LSAMP: variants seen among roughly 807,000 people sequenced by gnomAD.
LSAMP encodes the protein limbic system-associated membrane protein.
Under a neutral mutation model 38.6 loss-of-function variants are expected in LSAMP, and 7 were observed. The observed-to-expected ratio is 0.18, with a 90% CI of 0.10 to 0.34. The LOEUF is 0.34. Ranked by LOEUF, LSAMP falls within the 10% of genes least tolerant of loss-of-function variation. The pLI, the probability that LSAMP is intolerant of heterozygous loss-of-function variation, is 1.00. For missense variants in LSAMP, 313 were observed against 420.0 expected, an observed-to-expected ratio of 0.75 and a Z score of 2.23; for synonymous variants, 154 against 166.8, an observed-to-expected ratio of 0.92 and a Z score of 0.59.
chr3:116,012,033 C>T (rs1244491186), intron 3 of LSAMP, among the ~76,000 whole-genome samples: 2 of 152,182 alleles, frequency 1.3e-5, no homozygotes, highest in Non-Finnish European at 2.9e-5. Flanking sequence ...GGACAGTCCA[C>T]AGGAGCTTTA....
At chr3:116,291,253 G>A (rs952364932) in intron 1 of LSAMP, among the ~76,000 whole-genome samples, 5 of 152,166 alleles carry the variant, frequency 3.3e-5, no homozygotes, top group African/African-American at 9.7e-5. Flanking sequence ...GAAGATAACA[G>A]TCAGCTTAGA....
At chr3:116,220,185 A>AACACACACACACACACACACACACAC (rs3974285) in intron 1 of LSAMP, among the ~76,000 whole-genome samples, 324 of 141,434 alleles carry the variant, frequency 2.3e-3, no homozygotes, top group African/African-American at 8.0e-3. Flanking sequence ...TCCATCTCAA[A>AACACACACACACACACACACACACAC]ACACACACAC....
intron 3 of LSAMP, among the ~76,000 whole-genome samples, chr3:115,998,266 G>T (rs1939885538): frequency 6.6e-6 from 1 of 151,932 alleles, no homozygotes; most frequent in Non-Finnish European, 1.5e-5. Context: ...GTCACTGGGG[G>T]GTTTTAACTG....
intron 1 of LSAMP, 85 bp downstream of exon 1, chr3:116,444,784 TCAGACACA>T: frequency 6.9e-7 from 1 of 1,446,234 alleles, no homozygotes; most frequent in South Asian, 1.2e-5. Flanking sequence ...TTCAAGGAGA[TCAGACACA>T]CACACACACA....
At chr3:115,896,199 A>G (rs1400265839) in intron 3 of LSAMP, among the ~76,000 whole-genome samples, 5 of 152,110 alleles carry the variant, frequency 3.3e-5, no homozygotes, top group African/African-American at 1.2e-4. Flanking sequence ...AGATTTATAA[A>G]TAAGACAGCA....
chr3:116,110,218 AG>A (rs1304706014), intron 1 of LSAMP, among the ~76,000 whole-genome samples: 1 of 151,488 alleles, frequency 6.6e-6, no homozygotes, highest in Non-Finnish European at 1.5e-5. Context: ...AGAAAAGCAG[AG>A]AAGGGGTAGA....
chr3:116,356,921 G>C (rs1260185686), intron 1 of LSAMP, among the ~76,000 whole-genome samples: 1 of 152,110 alleles, frequency 6.6e-6, no homozygotes, highest in African/African-American at 2.4e-5. Context: ...AGCCTCCCGA[G>C]TAGCTGGGAC....
rs534616225 is a variant in LSAMP, at chr3:115,847,506, C to T, written c.650-4928G>A. Among the ~76,000 whole-genome samples, 88 of 152,276 alleles carry T rather than the reference C, an allele frequency of 5.8e-4. 2 individuals carry two copies. The South Asian group carries it at 0.016, about 28-fold the overall frequency. On this transcript the variant is annotated intron_variant, in intron 4 of 6. Transcript: ENST00000490035. ...CAATTTGGTTGGTGATATGGTTTGG[C>T]TGTGTTCCCACCCAAAATCTCATCT...
intron 1 of LSAMP, among the ~76,000 whole-genome samples, chr3:116,280,232 C>G (rs1440031913): frequency 6.6e-6 from 1 of 152,170 alleles, no homozygotes; most frequent in African/African-American, 2.4e-5. Flanking sequence ...TTAGTTCCCA[C>G]CATGATAACT....
At chr3:116,418,903 TC>T in intron 1 of LSAMP, among the ~76,000 whole-genome samples, 1 of 152,332 alleles carries the variant, frequency 6.6e-6, no homozygotes, top group Admixed American at 6.5e-5. Flanking sequence ...CTATGCTTCA[TC>T]CATACCAATT....
chr3:115,824,772 T>A (rs138933455), intron 6 of LSAMP, among the ~76,000 whole-genome samples: 13 of 152,210 alleles, frequency 8.5e-5, no homozygotes, highest in Admixed American at 8.5e-4. Context: ...TGATTCTTCT[T>A]AGTTGTTAAA....
intron 1 of LSAMP, among the ~76,000 whole-genome samples, chr3:116,294,151 AG>A (rs2047300858): frequency 6.6e-6 from 1 of 152,138 alleles, no homozygotes; most frequent in Non-Finnish European, 1.5e-5. Flanking sequence ...GGTGTAAAAA[AG>A]CCAGACCCAT....
rs193186181 is a variant in LSAMP, at chr3:116,097,154, T to C, written c.156-10598A>G. On this transcript the variant is annotated intron_variant, in intron 1 of 6. Coordinates refer to ENST00000490035, the MANE Select transcript of LSAMP (RefSeq NM_002338.5). ...CAATTAAAAACAATTCCACAGCTAT[T>C]TGAAGAAAATTGTGATACTTCTGCA... 6.4e-4 allele frequency among the ~76,000 whole-genome samples: 97 copies of C among 152,338 alleles called. 2 individuals carry two copies. The East Asian group carries it at 0.017, about 27-fold the overall frequency.
intron 3 of LSAMP, among the ~76,000 whole-genome samples, chr3:116,019,051 T>C (rs1227686867): frequency 6.6e-6 from 1 of 150,736 alleles, no homozygotes; most frequent in Non-Finnish European, 1.5e-5. Flanking sequence ...CTATGTAAAA[T>C]TAATTCAGAC....
intron 4 of LSAMP, among the ~76,000 whole-genome samples, chr3:115,846,864 A>G (rs1440785809): frequency 1.3e-5 from 2 of 152,156 alleles, no homozygotes; most frequent in Non-Finnish European, 2.9e-5. Context: ...GCGGCGACAC[A>G]GTGGATATAA....
intron 3 of LSAMP, among the ~76,000 whole-genome samples, chr3:115,884,770 A>G (rs548261591): frequency 3.6e-4 from 55 of 152,160 alleles, no homozygotes; most frequent in African/African-American, 1.3e-3. Flanking sequence ...AATCTAACAA[A>G]CACACATATT....
At chr3:116,214,896 A>ACAAT in intron 1 of LSAMP, among the ~76,000 whole-genome samples, 1 of 152,256 alleles carries the variant, frequency 6.6e-6, no homozygotes, top group South Asian at 2.1e-4. Flanking sequence ...GGAAGAGGAG[A>ACAAT]AATAATAAAT....
chr3:115,830,234 T>A (rs1934566260), intron 6 of LSAMP, among the ~76,000 whole-genome samples: 1 of 152,226 alleles, frequency 6.6e-6, no homozygotes, highest in African/African-American at 2.4e-5. Flanking sequence ...CATATAAATC[T>A]GTGTGAGTTG....
intron 1 of LSAMP, among the ~76,000 whole-genome samples, chr3:116,439,871 C>T (rs986175204): frequency 1.1e-4 from 17 of 152,138 alleles, no homozygotes; most frequent in Non-Finnish European, 1.5e-4. Context: ...TACAGGTGGG[C>T]GCCACCACGC....
Sources: allele counts gnomAD v4.1 joint callset (sites outside exome capture counted in the v4.1 genomes callset), GRCh38; gene constraint gnomAD v4.1.1; transcripts MANE v1.5; gene names NCBI Gene and HGNC (gene_info 2026-07-23, HGNC 2026-07-21).